The following SGCZ variants were observed in gnomAD, a reference collection of about 807,000 sequenced individuals.
SGCZ encodes the protein sarcoglycan zeta.
A neutral mutation model predicts 41.3 loss-of-function variants in SGCZ; 40 were observed. That is an observed-to-expected ratio of 0.97 (90% CI 0.75 to 1.26). The LOEUF (loss-of-function observed/expected upper bound fraction) is 1.26, where lower values mean the gene tolerates loss of function less well. SGCZ is among the 50% of genes most tolerant of loss of function. The probability of loss-of-function intolerance (pLI) is 0.00; values close to 1 mark genes in which losing one functional copy is unlikely to be tolerated. For missense variants in SGCZ, 552 were observed against 369.8 expected, an observed-to-expected ratio of 1.49 and a Z score of -4.04; for synonymous variants, 206 against 137.5, an observed-to-expected ratio of 1.50 and a Z score of -3.49.
chr8:14,624,396 C>T (rs1297518305), intron 1 of SGCZ, among the ~76,000 whole-genome samples: 1 of 151,794 alleles, frequency 6.6e-6, no homozygotes, highest in South Asian at 2.1e-4. Context: ...AATTCATCGA[C>T]TTTCAAATAC....
chr8:14,484,355 A>G (rs1801615792), intron 2 of SGCZ, among the ~76,000 whole-genome samples: 1 of 152,214 alleles, frequency 6.6e-6, no homozygotes, highest in Non-Finnish European at 1.5e-5. Flanking sequence ...TGACTCCGAA[A>G]TAGTGACCAC....
intron 1 of SGCZ, among the ~76,000 whole-genome samples, chr8:15,128,006 A>G (rs1302153834): frequency 6.6e-6 from 1 of 152,224 alleles, no homozygotes; most frequent in East Asian, 1.9e-4. Flanking sequence ...TAGTACGGAA[A>G]TAATAGAGGT....
chr8:15,045,826 C>G (rs949534063), intron 1 of SGCZ, among the ~76,000 whole-genome samples: 1 of 151,954 alleles, frequency 6.6e-6, no homozygotes, highest in Non-Finnish European at 1.5e-5. Flanking sequence ...ACCATCCAAT[C>G]AAACAGACTC....
At chr8:15,093,665 C>T (rs1436547585) in intron 1 of SGCZ, among the ~76,000 whole-genome samples, 1 of 152,130 alleles carries the variant, frequency 6.6e-6, no homozygotes, top group Non-Finnish European at 1.5e-5. Context: ...ATCAACAGAA[C>T]ACGTTTATTG....
rs78760054 is a variant in SGCZ, at chr8:15,033,290, C to T, written c.39+204295G>A. On this transcript the variant is annotated intron_variant, in intron 1 of 7. Transcript: ENST00000382080. The stretch of plus-strand genomic sequence containing the variant: ...AAACTCCAGGTCAGCCCCAGAATAA[C>T]CAGGATCTTAACCAGTTCCCACAGC... Among the ~76,000 whole-genome samples the T allele has an allele frequency of 2.6e-3, 403 of 152,092 alleles. 2 individuals carry two copies. The highest frequency in any genetic ancestry group is 8.7e-3 in the African/African-American group (362 of 41,482).
At chr8:14,290,421 A>G (rs1380842930) in intron 3 of SGCZ, among the ~76,000 whole-genome samples, 1 of 152,112 alleles carries the variant, frequency 6.6e-6, no homozygotes, top group Admixed American at 6.6e-5. Flanking sequence ...AGGAGAATAT[A>G]TTTGACAACT....
intron 2 of SGCZ, among the ~76,000 whole-genome samples, chr8:14,329,786 C>G (rs1365712315): frequency 2.0e-5 from 3 of 152,178 alleles, no homozygotes; most frequent in Non-Finnish European, 4.4e-5. Flanking sequence ...CTAAGTGTCT[C>G]CTCCAATCCT....
chr8:15,162,389 A>T (rs1487526290), intron 1 of SGCZ, among the ~76,000 whole-genome samples: 5 of 152,168 alleles, frequency 3.3e-5, no homozygotes, highest in Non-Finnish European at 7.3e-5. Flanking sequence ...ATGGCATTTA[A>T]ATTTTAGACA....
At chr8:14,508,974 AC>A (rs1183444182) in intron 2 of SGCZ, among the ~76,000 whole-genome samples, 1 of 152,160 alleles carries the variant, frequency 6.6e-6, no homozygotes, top group African/African-American at 2.4e-5. Flanking sequence ...TTTACTGGAA[AC>A]AAATTATACA....
chr8:14,909,352 T>G (rs1186435685), intron 1 of SGCZ, among the ~76,000 whole-genome samples: 1 of 152,182 alleles, frequency 6.6e-6, no homozygotes, highest in Non-Finnish European at 1.5e-5. Flanking sequence ...TGTTTACATA[T>G]TTTTCTTGGT....
intron 4 of SGCZ, among the ~76,000 whole-genome samples, chr8:14,202,903 T>C (rs916754136): frequency 6.6e-6 from 1 of 152,112 alleles, no homozygotes; most frequent in African/African-American, 2.4e-5. Flanking sequence ...AATTCCCACA[T>C]CTTGTGGGAG....
intron 4 of SGCZ, among the ~76,000 whole-genome samples, chr8:14,185,265 A>C (rs1482584207): frequency 6.6e-6 from 1 of 152,008 alleles, no homozygotes; most frequent in East Asian, 1.9e-4. Flanking sequence ...TTAGCTGCAC[A>C]TGGTGGCACA....
intron 1 of SGCZ, among the ~76,000 whole-genome samples, chr8:15,213,007 G>A (rs1801283899): frequency 1.3e-5 from 2 of 151,838 alleles, no homozygotes; most frequent in Admixed American, 6.6e-5. Context: ...TCTAATGAAT[G>A]AAAAGTGATA....
intron 2 of SGCZ, among the ~76,000 whole-genome samples, chr8:14,392,305 G>A (rs1025046196): frequency 1.1e-4 from 17 of 152,054 alleles, no homozygotes; most frequent in African/African-American, 3.1e-4. Context: ...AACTAAAATA[G>A]GTGGCCTTCT....
At chr8:15,143,211 C>A (rs1798943578) in intron 1 of SGCZ, among the ~76,000 whole-genome samples, 1 of 152,102 alleles carries the variant, frequency 6.6e-6, no homozygotes, top group Admixed American at 6.5e-5. Flanking sequence ...CTGCTACAAA[C>A]ATAATAAAAG....
chr8:14,309,718 A>G, intron 3 of SGCZ: 2 of 1,607,418 alleles, frequency 1.2e-6, no homozygotes, highest in East Asian at 2.2e-5. Flanking sequence ...GAGTTAAGCA[A>G]TCGAGATTTG....
rs370279793 is a variant in SGCZ at position 14,530,299 on chromosome 8, A to G, written c.234+24433T>C. ...AGTCTCAAAATATAAGTGATCTTAT[A>G]TGAAAATTTTTTAACTTATGACTTT... On this transcript the variant is annotated intron_variant, in intron 2 of 7. Coordinates refer to ENST00000382080, the MANE Select transcript of SGCZ (RefSeq NM_139167.4). Among the ~76,000 whole-genome samples, 17 of 152,188 alleles carry G rather than the reference A, an allele frequency of 1.1e-4. No individual in the cohort carries two copies. In the East Asian group the frequency reaches 2.3e-3, roughly 21 times the overall value.
chr8:14,505,821 G>T (rs375288767), intron 2 of SGCZ, among the ~76,000 whole-genome samples: 20 of 152,146 alleles, frequency 1.3e-4, no homozygotes, highest in Admixed American at 8.5e-4. Flanking sequence ...CTATAATGGT[G>T]AACTTCTTAG....
Position 14,920,059 on chromosome 8 carries a change from C to T in SGCZ, c.39+317526G>A, listed in dbSNP as rs1157330802. Among the ~76,000 whole-genome samples the T allele has an allele frequency of 3.9e-5, 6 of 152,194 alleles. No homozygotes were observed. In the East Asian group the frequency reaches 7.7e-4, roughly 20 times the overall value. ...ACTTCTAAAAATAAGGAAACTAATG[C>T]CTGTAAATGGTAAATAATCAGACTA... On this transcript the variant is annotated intron_variant, in intron 1 of 7. Transcript: ENST00000382080.
Sources: gnomAD v4.1 joint callset for allele counts (sites outside exome capture counted in the v4.1 genomes callset) on GRCh38, gnomAD v4.1.1 for gene constraint, MANE v1.5 for transcripts, NCBI Gene and HGNC (gene_info 2026-07-23, HGNC 2026-07-21) for gene names.